TMTC1: variants seen among roughly 807,000 people sequenced by gnomAD.
The protein encoded by TMTC1 is transmembrane O-mannosyltransferase targeting cadherins 1, also known as protein O-mannosyl-transferase TMTC1.
A neutral mutation model predicts 104.8 loss-of-function variants in TMTC1; 73 were observed. That is an observed-to-expected ratio of 0.70 (90% CI 0.58 to 0.85). The LOEUF (loss-of-function observed/expected upper bound fraction) is 0.85, where lower values mean the gene tolerates loss of function less well. Ranked by LOEUF, TMTC1 falls within the 40% of genes least tolerant of loss-of-function variation. TMTC1 has a pLI of 0.00. For synonymous variants in TMTC1, 434 were observed against 428.7 expected (o/e 1.01, Z -0.15); for missense variants, 1,035 against 1,096.1 (o/e 0.94, Z 0.79).
At chr12:29,674,359 G>A (rs2136692089) in intron 5 of TMTC1, among the ~76,000 whole-genome samples, 1 of 152,070 alleles carries the variant, frequency 6.6e-6, no homozygotes, top group East Asian at 1.9e-4. Context: ...TATTAGAATA[G>A]TAACCAGAAA....
chr12:29,738,357 C>A (rs565198388), intron 5 of TMTC1, among the ~76,000 whole-genome samples: 2 of 152,284 alleles, frequency 1.3e-5, no homozygotes, highest in East Asian at 3.9e-4. Flanking sequence ...TTCTAGTCAA[C>A]ATACTATTTT....
chr12:29,754,583 G>C (rs181232763), intron 4 of TMTC1, among the ~76,000 whole-genome samples: 96 of 152,230 alleles, frequency 6.3e-4, no homozygotes, highest in African/African-American at 1.9e-3. Context: ...AAGTAAGATG[G>C]GCAATGCAAT....
chr12:29,666,763 C>T (rs1013434112), intron 5 of TMTC1, among the ~76,000 whole-genome samples: 1 of 152,116 alleles, frequency 6.6e-6, no homozygotes, highest in African/African-American at 2.4e-5. Context: ...ATAATTTTTG[C>T]CTAAATGTCA....
intron 5 of TMTC1, among the ~76,000 whole-genome samples, chr12:29,642,779 G>A (rs1012799118): frequency 2.0e-5 from 3 of 152,052 alleles, no homozygotes; most frequent in African/African-American, 7.2e-5. Context: ...TGAAAAATTA[G>A]CCGGGCGTGG....
chr12:29,609,596 T>C (rs1340623520), intron 6 of TMTC1, among the ~76,000 whole-genome samples: 1 of 152,236 alleles, frequency 6.6e-6, no homozygotes, highest in Non-Finnish European at 1.5e-5. Context: ...TTATGTCTAC[T>C]GAGGCTATCA....
chr12:29,768,641 G>A (rs1312544449), intron 1 of TMTC1, among the ~76,000 whole-genome samples: 2 of 152,182 alleles, frequency 1.3e-5, no homozygotes, highest in East Asian at 3.8e-4. Flanking sequence ...AAGCTTTAGG[G>A]AACCTACAGG....
At chr12:29,536,062 T>C in intron 11 of TMTC1, 147 bp downstream of exon 11, 1 of 631,640 alleles carries the variant, frequency 1.6e-6, no homozygotes, top group South Asian at 1.9e-5. Context: ...AAAATTAGGC[T>C]TGTAATTTCT....
At chr12:29,698,527 T>C (rs936287521) in intron 5 of TMTC1, among the ~76,000 whole-genome samples, 1 of 152,196 alleles carries the variant, frequency 6.6e-6, no homozygotes, top group Non-Finnish European at 1.5e-5. Flanking sequence ...ACTCTGGAGA[T>C]GTTGACAAAT....
Position 29,755,790 on chromosome 12 carries a change from A to G in TMTC1, c.650T>C (p.Leu217Pro). 6.2e-7 allele frequency: 1 copy of G among 1,614,208 alleles called. No individual in the cohort carries two copies. Among genetic ancestry groups the G allele is most frequent in the South Asian group, 1.1e-5 (1 of 91,082 alleles). The change falls in exon 4 of 18, where the codon CTG (leucine) becomes CCG (proline). Residue 217 changes from leucine (L) to proline (P), a missense_variant. Leu to Pro is a moderately conservative substitution (Grantham distance 98). Transcript: ENST00000539277. The part of the protein sequence containing the change: ...LSLFLGTCAM[L>P]VKETGITVFG... Reference sequence around the variant, plus strand: ...CACCGTGATGCCTGTCTCTTTCACCAGCATCGCACAGGTCCCCAGAAACAA... The same window carrying G: ...CACCGTGATGCCTGTCTCTTTCACCGGCATCGCACAGGTCCCCAGAAACAA...
intron 6 of TMTC1, among the ~76,000 whole-genome samples, chr12:29,623,302 T>C (rs1399105635): frequency 6.6e-6 from 1 of 152,238 alleles, no homozygotes; most frequent in Non-Finnish European, 1.5e-5. Flanking sequence ...TTACATGCCT[T>C]AATTTGTAGT....
At chr12:29,612,123 C>G (rs1946861004) in intron 6 of TMTC1, among the ~76,000 whole-genome samples, 1 of 152,102 alleles carries the variant, frequency 6.6e-6, no homozygotes, top group Admixed American at 6.5e-5. Flanking sequence ...GAAGTTAATG[C>G]CAAGTGTGGG....
rs78675444 is a variant in TMTC1, at chr12:29,520,666, C to T, written c.1840G>A (p.Asp614Asn). 2,292 of 1,613,628 alleles carry T rather than the reference C, an allele frequency of 1.4e-3. 1 individual carries two copies. Among genetic ancestry groups the T allele is most frequent in the Non-Finnish European group, 1.8e-3 (2,152 of 1,179,880 alleles). The part of the protein sequence containing the change: ...IYQTGIKNCP[D>N]SSDLHNNYGV... ...TAGTTGTTGTGTAAATCTGAGCTGT[C>T]TGGACAGTTCTTTATTCCAGTTTGG... The change falls in exon 12 of 18, where the codon GAC becomes AAC. Residue 614 changes from aspartate (D) to asparagine (N), a missense_variant. Asp to Asn is a conservative substitution (Grantham distance 23). Coordinates refer to ENST00000539277, the MANE Select transcript of TMTC1 (RefSeq NM_001193451.2).
chr12:29,604,725 A>G (rs1946653063), intron 6 of TMTC1, among the ~76,000 whole-genome samples: 1 of 152,206 alleles, frequency 6.6e-6, no homozygotes, highest in African/African-American at 2.4e-5. Context: ...CCCAAAATAT[A>G]ATGTATTTTC....
rs1944026477 is a variant in TMTC1, at chr12:29,517,641, T to C, written c.2025-70A>G. ...ACATTTCCAAATGTCTAGGCTTAGATTTAGGGAAGACGGTCCATGGTTTGA... is the reference window on the plus strand; with the variant it reads ...ACATTTCCAAATGTCTAGGCTTAGACTTAGGGAAGACGGTCCATGGTTTGA... On this transcript the variant is annotated intron_variant, in intron 13 of 17. Transcript: ENST00000539277. 3 of 1,576,284 alleles carry C rather than the reference T, an allele frequency of 1.9e-6. No homozygotes were observed. The East Asian group carries it at 6.7e-5, about 35-fold the overall frequency.
chr12:29,598,687 T>C (rs1005942700), intron 7 of TMTC1, among the ~76,000 whole-genome samples: 2 of 152,232 alleles, frequency 1.3e-5, no homozygotes, highest in Admixed American at 6.5e-5. Flanking sequence ...CCCAAGTATT[T>C]TTTTGTAGCT....
intron 5 of TMTC1, among the ~76,000 whole-genome samples, chr12:29,648,718 A>G (rs762885682): frequency 5.9e-5 from 9 of 152,132 alleles, no homozygotes; most frequent in Non-Finnish European, 1.2e-4. Context: ...ATAATTTTCA[A>G]TTTTCTATTA....
At chr12:29,522,922 G>A (rs921030098) in intron 11 of TMTC1, among the ~76,000 whole-genome samples, 1 of 152,170 alleles carries the variant, frequency 6.6e-6, no homozygotes, top group Non-Finnish European at 1.5e-5. Context: ...TCAGCACATG[G>A]TCAGCACGTT....
At chr12:29,703,805 A>G (rs764730922) in intron 5 of TMTC1, among the ~76,000 whole-genome samples, 1 of 152,220 alleles carries the variant, frequency 6.6e-6, no homozygotes, top group African/African-American at 2.4e-5. Context: ...AAACCCTTTT[A>G]TATTTCCTGC....
chr12:29,608,742 G>T (rs984410502), intron 6 of TMTC1, among the ~76,000 whole-genome samples: 13 of 152,140 alleles, frequency 8.5e-5, no homozygotes, highest in African/African-American at 2.9e-4. Context: ...CCAGACGGGG[G>T]TGCTGAGAGG....
Sources: allele counts gnomAD v4.1 joint callset (sites outside exome capture counted in the v4.1 genomes callset), GRCh38; gene constraint gnomAD v4.1.1; transcripts MANE v1.5; gene names NCBI Gene and HGNC (gene_info 2026-07-23, HGNC 2026-07-21).